ASB5: variants seen among roughly 807,000 people sequenced by gnomAD.
ASB5 encodes the protein ankyrin repeat and SOCS box protein 5.
In ASB5, 45 loss-of-function variants were observed where a neutral mutation model predicts 42.1. The ratio of observed to expected loss-of-function variants is 1.07; its 90% CI spans 0.84 to 1.37. The LOEUF (loss-of-function observed/expected upper bound fraction) is 1.37. Among genes scored for constraint, ASB5 ranks in the 40% most tolerant of loss-of-function variants. The probability of loss-of-function intolerance (pLI) is 0.00; values close to 1 mark genes in which losing one functional copy is unlikely to be tolerated. For missense variants in ASB5, 402 were observed against 399.8 expected, an observed-to-expected ratio of 1.01 and a Z score of -0.05; for synonymous variants, 147 against 150.6, an observed-to-expected ratio of 0.98 and a Z score of 0.18.
intron 5 of ASB5, among the ~76,000 whole-genome samples, chr4:176,217,841 G>T (rs992591627): frequency 6.6e-6 from 1 of 151,838 alleles, no homozygotes; most frequent in Non-Finnish European, 1.5e-5. Context: ...AAATGCATAA[G>T]TTCTTTTCAA....
chr4:176,216,723 T>C (rs1561249081), intron 6 of ASB5, 95 bp downstream of exon 6: 24 of 1,027,660 alleles, frequency 2.3e-5, no homozygotes, highest in Non-Finnish European at 2.7e-5. Flanking sequence ...TTTTATGCCA[T>C]TGTTACTTTC....
intron 1 of ASB5, among the ~76,000 whole-genome samples, chr4:176,265,025 A>G (rs1402408857): frequency 6.6e-6 from 1 of 152,116 alleles, no homozygotes; most frequent in Non-Finnish European, 1.5e-5. Flanking sequence ...TCCAACTCCA[A>G]AGAATATTAC....
At chr4:176,236,052 AT>A (rs1381279473) in intron 1 of ASB5, among the ~76,000 whole-genome samples, 1 of 152,172 alleles carries the variant, frequency 6.6e-6, no homozygotes, top group Non-Finnish European at 1.5e-5. Context: ...TCGAAAAAAA[AT>A]TGTATAGAAA....
At chr4:176,252,435 C>T (rs561246694) in intron 1 of ASB5, among the ~76,000 whole-genome samples, 2 of 152,224 alleles carry the variant, frequency 1.3e-5, no homozygotes, top group Non-Finnish European at 2.9e-5. Flanking sequence ...CCCTCACTTT[C>T]TCCCTTCCTC....
rs745611924 is a variant in ASB5, at chr4:176,268,966, C to CGGTT, written c.139_142dup (p.Arg48GlnfsTer11). The CGGTT allele has an allele frequency of 6.3e-5, 101 of 1,612,834 alleles. No individual in the cohort carries two copies. The highest frequency in any genetic ancestry group is 8.5e-5 in the Non-Finnish European group (100 of 1,179,474). The stretch of plus-strand genomic sequence containing the variant: ...AGCTGCTATCCTTGCCGCTTCCTTG[C>CGGTT]GGTTGCCTTTCACTATGTAGAAATG... On this transcript the variant is annotated frameshift_variant, in exon 1 of 7. Coordinates refer to ENST00000296525, the MANE Select transcript of ASB5 (RefSeq NM_080874.4). LOFTEE classifies it high-confidence loss of function.
intron 1 of ASB5, among the ~76,000 whole-genome samples, chr4:176,263,949 G>A (rs142412892): frequency 0.014 from 2,054 of 151,676 alleles, 20 homozygotes; most frequent in South Asian, 0.026. Flanking sequence ...CCAGGTTACA[G>A]TATTCTCCAA....
At chr4:176,273,424 T>C (rs1337011848), upstream of ASB5, among the ~76,000 whole-genome samples, 1 of 152,072 alleles carries the variant, frequency 6.6e-6, no homozygotes, top group East Asian at 1.9e-4. Context: ...ACTGAAAACA[T>C]AATCCTCATT....
At chr4:176,261,201 A>T (rs112041652) in intron 1 of ASB5, among the ~76,000 whole-genome samples, 2 of 152,266 alleles carry the variant, frequency 1.3e-5, no homozygotes, top group African/African-American at 4.8e-5. Context: ...ATTACCATGG[A>T]ACCACTCTGA....
intron 1 of ASB5, among the ~76,000 whole-genome samples, chr4:176,250,197 G>A (rs905562950): frequency 1.3e-5 from 2 of 152,092 alleles, no homozygotes; most frequent in Non-Finnish European, 2.9e-5. Context: ...TTCTGAGTTC[G>A]GTCAAGTACA....
chr4:176,248,210 T>G (rs1358117618), intron 1 of ASB5, among the ~76,000 whole-genome samples: 1 of 152,182 alleles, frequency 6.6e-6, no homozygotes, highest in Admixed American at 6.5e-5. Flanking sequence ...CACTGCAGCC[T>G]CACCCTCCCC....
At chr4:176,269,724 C>G (rs1754433269), upstream of ASB5, among the ~76,000 whole-genome samples, 1 of 152,166 alleles carries the variant, frequency 6.6e-6, no homozygotes, top group African/African-American at 2.4e-5. Context: ...ATCCAATGGA[C>G]ACTTTTTAAG....
At chr4:176,229,765 G>A (rs553965889) in intron 1 of ASB5, among the ~76,000 whole-genome samples, 40 of 152,284 alleles carry the variant, frequency 2.6e-4, no homozygotes, top group African/African-American at 8.9e-4. Flanking sequence ...AAAGTTTAAT[G>A]TCATTGTCAT....
At chr4:176,245,660 A>G (rs369342337) in intron 1 of ASB5, among the ~76,000 whole-genome samples, 1 of 152,198 alleles carries the variant, frequency 6.6e-6, no homozygotes, top group East Asian at 1.9e-4. Flanking sequence ...ATGTCCATCA[A>G]TGACAGACTG....
chr4:176,267,788 G>A lies in ASB5; in HGVS notation c.196+1125C>T, dbSNP rs372839034. ...ACATCAATTCCTCATGTTGCAAATTGCAGTCTTCCTCAGGAAACATGTACT... is the reference window on the plus strand; with the variant it reads ...ACATCAATTCCTCATGTTGCAAATTACAGTCTTCCTCAGGAAACATGTACT... On this transcript the variant is annotated intron_variant, in intron 1 of 6. Transcript: ENST00000296525. Among the ~76,000 whole-genome samples, 10 of 152,102 alleles carry A rather than the reference G, an allele frequency of 6.6e-5. 1 individual carries two copies. Among genetic ancestry groups the A allele is most frequent in the Admixed American group, 3.9e-4 (6 of 15,260 alleles).
chr4:176,263,907 A>T (rs1754310278), intron 1 of ASB5, among the ~76,000 whole-genome samples: 1 of 152,176 alleles, frequency 6.6e-6, no homozygotes, highest in African/African-American at 2.4e-5. Flanking sequence ...GAAAAAAAAG[A>T]TATTACATCA....
At chr4:176,255,387 T>A (rs1382017698) in intron 1 of ASB5, among the ~76,000 whole-genome samples, 1 of 152,148 alleles carries the variant, frequency 6.6e-6, no homozygotes, top group Non-Finnish European at 1.5e-5. Context: ...AAGAAACTGT[T>A]CTAACAAAAA....
intron 6 of ASB5, among the ~76,000 whole-genome samples, chr4:176,216,102 T>C (rs1460438978): frequency 6.6e-6 from 1 of 152,124 alleles, no homozygotes; most frequent in East Asian, 1.9e-4. Flanking sequence ...AAAGAAATAT[T>C]ATAGTCCCTG....
chr4:176,263,058 T>C (rs545768529), intron 1 of ASB5, among the ~76,000 whole-genome samples: 1 of 152,290 alleles, frequency 6.6e-6, no homozygotes, highest in African/African-American at 2.4e-5. Flanking sequence ...CTCTCATGGA[T>C]AGATTAATGC....
At chr4:176,240,452 G>C (rs1753787966) in intron 1 of ASB5, among the ~76,000 whole-genome samples, 1 of 152,154 alleles carries the variant, frequency 6.6e-6, no homozygotes, top group South Asian at 2.1e-4. Context: ...CAGTGGGAAA[G>C]TGATGTTAAA....
Sources: gnomAD v4.1 joint callset for allele counts (sites outside exome capture counted in the v4.1 genomes callset) on GRCh38, gnomAD v4.1.1 for gene constraint, MANE v1.5 for transcripts, NCBI Gene and HGNC (gene_info 2026-07-23, HGNC 2026-07-21) for gene names.